The following CGNL1 variants were observed in gnomAD, a reference collection of about 807,000 sequenced individuals.
The protein encoded by CGNL1 is cingulin-like protein 1.
In CGNL1, 132 loss-of-function variants were observed where a neutral mutation model predicts 141.2. That is an observed-to-expected ratio of 0.93 (90% CI 0.81 to 1.08). CGNL1 has a LOEUF of 1.08. CGNL1 is among the 50% of genes least tolerant of loss of function. The probability of loss-of-function intolerance (pLI) is 0.00; values close to 1 mark genes in which losing one functional copy is unlikely to be tolerated. For missense variants in CGNL1, 1,870 were observed against 1,588.6 expected, an observed-to-expected ratio of 1.18 and a Z score of -3.01; for synonymous variants, 690 against 622.1, an observed-to-expected ratio of 1.11 and a Z score of -1.63.
intron 8 of CGNL1, among the ~76,000 whole-genome samples, chr15:57,489,144 T>C (rs2063824473): frequency 6.6e-6 from 1 of 152,230 alleles, no homozygotes; most frequent in Non-Finnish European, 1.5e-5. Flanking sequence ...GAATTAAACA[T>C]GAATTGAAGG....
At chr15:57,547,308 GGGCCCC>G (rs1441166600) in intron 18 of CGNL1, 41 bp from the exon 19 acceptor site, 2 of 1,602,890 alleles carry the variant, frequency 1.2e-6, no homozygotes, top group East Asian at 2.2e-5. Flanking sequence ...AATTAGCTAT[GGGCCCC>G]GGCCCAGGGC....
At chr15:57,408,486 C>T (rs2062748159) in intron 1 of CGNL1, among the ~76,000 whole-genome samples, 1 of 152,112 alleles carries the variant, frequency 6.6e-6, no homozygotes, top group African/African-American at 2.4e-5. Context: ...ACAGTTTTCC[C>T]AGAGCCAAAC....
At position 57,546,811 on chromosome 15, in the gene CGNL1, G is replaced by A. The variant is rs139954077; in HGVS notation, c.3774-544G>A. Among the ~76,000 whole-genome samples, 167 of 152,216 alleles carry A rather than the reference G, an allele frequency of 1.1e-3. 1 individual carries two copies. Among genetic ancestry groups the A allele is most frequent in the African/African-American group, 3.4e-3 (141 of 41,524 alleles). ...GATTAGGTTCATGGTAATCCATAGA[G>A]CTGAGCCTTTCTTGGAGGCTGGCTG... On this transcript the variant is annotated intron_variant, in intron 18 of 18. Transcript: ENST00000281282.
intron 6 of CGNL1, among the ~76,000 whole-genome samples, chr15:57,453,102 G>A (rs1374582099): frequency 1.3e-5 from 2 of 152,110 alleles, no homozygotes; most frequent in African/African-American, 4.8e-5. Context: ...ACAGAGTTTT[G>A]TAAACTTTTT....
At chr15:57,395,274 C>T (rs1445387750) in intron 1 of CGNL1, among the ~76,000 whole-genome samples, 1 of 151,974 alleles carries the variant, frequency 6.6e-6, no homozygotes, top group African/African-American at 2.4e-5. Flanking sequence ...AAGATGAGTT[C>T]CTTCAGTTCC....
chr15:57,450,867 G>A (rs56052718), intron 4 of CGNL1, among the ~76,000 whole-genome samples: 6,905 of 152,128 alleles, frequency 0.045, 531 homozygotes, highest in African/African-American at 0.16. Context: ...ACTGAGATTT[G>A]ATTAAATTTA....
chr15:57,444,999 C>A (rs1328469392), intron 4 of CGNL1, among the ~76,000 whole-genome samples: 1 of 152,142 alleles, frequency 6.6e-6, no homozygotes, highest in Non-Finnish European at 1.5e-5. Flanking sequence ...TGGTCCCTCA[C>A]ACCTGTAACC....
At chr15:57,542,027 T>G (rs946578682) in intron 14 of CGNL1, among the ~76,000 whole-genome samples, 8 of 152,184 alleles carry the variant, frequency 5.3e-5, no homozygotes, top group Non-Finnish European at 7.3e-5. Context: ...GCCAGTGACA[T>G]CATGCTGTGT....
chr15:57,442,345 A>G, intron 3 of CGNL1, 28 bp from the exon 4 acceptor site: 1 of 1,434,864 alleles, frequency 7.0e-7, no homozygotes, highest in Non-Finnish European at 9.8e-7. Context: ...TGTGTCCCTC[A>G]TTGTTTTCTC....
At chr15:57,382,949 A>G (rs1176147900) in intron 1 of CGNL1, among the ~76,000 whole-genome samples, 1 of 152,240 alleles carries the variant, frequency 6.6e-6, no homozygotes, top group East Asian at 1.9e-4. Context: ...GTTCTAGTAT[A>G]TCTTATGAAC....
At chr15:57,391,295 G>A (rs1454688428) in intron 1 of CGNL1, among the ~76,000 whole-genome samples, 1 of 152,206 alleles carries the variant, frequency 6.6e-6, no homozygotes, top group Non-Finnish European at 1.5e-5. Flanking sequence ...TGCCCATAAG[G>A]GATGACATAG....
intron 14 of CGNL1, among the ~76,000 whole-genome samples, chr15:57,534,444 C>G (rs1349100534): frequency 6.6e-6 from 1 of 152,196 alleles, no homozygotes; most frequent in African/African-American, 2.4e-5. Context: ...ATGGGTGGGC[C>G]AAATACCCGC....
rs748323441 is a variant in CGNL1 at position 57,440,369 on chromosome 15, T to C, written c.1603-8T>C. ...CCTCATGGTCTAACAACAGGCCTTATGTTCCAGGCCACACCGGATCTCTTA... is the reference window on the plus strand; with the variant it reads ...CCTCATGGTCTAACAACAGGCCTTACGTTCCAGGCCACACCGGATCTCTTA... On this transcript the variant is annotated splice_polypyrimidine_tract_variant and splice_region_variant and intron_variant, in intron 2 of 18. Coordinates refer to ENST00000281282, the MANE Select transcript of CGNL1 (RefSeq NM_032866.5). 6.3e-7 allele frequency: 1 copy of C among 1,589,568 alleles called. No homozygotes were observed. The highest frequency in any genetic ancestry group is 2.2e-5 in the East Asian group (1 of 44,462).
intron 9 of CGNL1, among the ~76,000 whole-genome samples, 177 bp downstream of exon 9, chr15:57,517,163 A>G (rs1453638539): frequency 7.9e-5 from 12 of 152,194 alleles, no homozygotes; most frequent in African/African-American, 2.9e-4. Context: ...GTGGCATGAC[A>G]GGGAGGCCAG....
At chr15:57,509,415 TG>T (rs538204430) in intron 8 of CGNL1, among the ~76,000 whole-genome samples, 6 of 152,126 alleles carry the variant, frequency 3.9e-5, no homozygotes, top group Non-Finnish European at 8.8e-5. Flanking sequence ...GTCTGTGTAC[TG>T]GGTCGGCACT....
At chr15:57,386,769 T>C (rs2062488964) in intron 1 of CGNL1, among the ~76,000 whole-genome samples, 1 of 152,068 alleles carries the variant, frequency 6.6e-6, no homozygotes, top group Admixed American at 6.6e-5. Flanking sequence ...AGGTGTGCGG[T>C]GAAGATGGGA....
At chr15:57,530,104 C>T (rs1388738127) in intron 13 of CGNL1, among the ~76,000 whole-genome samples, 1 of 152,218 alleles carries the variant, frequency 6.6e-6, no homozygotes, top group African/African-American at 2.4e-5. Flanking sequence ...GGAGGAAGAA[C>T]CTTTGGAGTA....
At chr15:57,542,583 G>A (rs1337017617) in intron 14 of CGNL1, among the ~76,000 whole-genome samples, 3 of 152,208 alleles carry the variant, frequency 2.0e-5, no homozygotes, top group Admixed American at 6.5e-5. Flanking sequence ...TTGTCAGGTC[G>A]TCTGATGTTG....
At chr15:57,483,038 C>T (rs1228218115) in intron 8 of CGNL1, among the ~76,000 whole-genome samples, 3 of 152,210 alleles carry the variant, frequency 2.0e-5, no homozygotes, top group Admixed American at 6.5e-5. Flanking sequence ...CCGCCCACCG[C>T]GGCCTCCTAA....
Sources: gnomAD v4.1 joint callset for allele counts (sites outside exome capture counted in the v4.1 genomes callset) on GRCh38, gnomAD v4.1.1 for gene constraint, MANE v1.5 for transcripts, NCBI Gene and HGNC (gene_info 2026-07-23, HGNC 2026-07-21) for gene names.